SOCS5: variants seen among roughly 807,000 people sequenced by gnomAD.
The protein encoded by SOCS5 is CIS-6.
In SOCS5, 32 loss-of-function variants were observed where a neutral mutation model predicts 42.8. The observed-to-expected ratio is 0.75, with a 90% CI of 0.56 to 1.01. The LOEUF (loss-of-function observed/expected upper bound fraction) is 1.01, where lower values mean the gene tolerates loss of function less well. SOCS5 is among the 50% of genes least tolerant of loss of function. The probability of loss-of-function intolerance (pLI) is 0.00; values close to 1 mark genes in which losing one functional copy is unlikely to be tolerated. For missense variants in SOCS5, 627 were observed against 653.0 expected, an observed-to-expected ratio of 0.96 and a Z score of 0.43; for synonymous variants, 283 against 229.6, an observed-to-expected ratio of 1.23 and a Z score of -2.10.
chr2:46,756,821 C>A (rs1272010950), intron 1 of SOCS5, among the ~76,000 whole-genome samples: 2 of 152,062 alleles, frequency 1.3e-5, no homozygotes, highest in African/African-American at 4.8e-5. Context: ...GAACGGAAAT[C>A]TTAATTTAAG....
intron 1 of SOCS5, among the ~76,000 whole-genome samples, chr2:46,742,666 T>C (rs923454790): frequency 6.6e-6 from 1 of 152,122 alleles, no homozygotes; most frequent in Non-Finnish European, 1.5e-5. Context: ...TTTTTATGTT[T>C]ACTACTTCTT....
Position 46,758,775 on chromosome 2 carries a change from G to T in SOCS5, c.245G>T (p.Cys82Phe). The T allele has an allele frequency of 6.2e-7, 1 of 1,614,170 alleles. No homozygotes were observed. The highest frequency in any genetic ancestry group is 1.1e-5 in the South Asian group (1 of 91,086). ...AATTCTTCAAGGAGAAATCAAAATT[G>T]TGCCACAGAAATCCCTCAAATTGTT... ...SKNSSRRNQN[C>F]ATEIPQIVEI... Residue 82 changes from cysteine (C) to phenylalanine (F), a missense_variant, in exon 2 of 2, where the codon TGT becomes TTT. Cys to Phe is a radical substitution (Grantham distance 205). This residue lies in a region of SOCS5 where 278 missense variants were observed against 246.3 expected (regional missense o/e 1.13). Transcript: ENST00000394861.
At chr2:46,731,129 C>G (rs1673110365) in intron 1 of SOCS5, among the ~76,000 whole-genome samples, 2 of 152,180 alleles carry the variant, frequency 1.3e-5, no homozygotes, top group African/African-American at 4.8e-5. Context: ...CTGCTGTAGA[C>G]TGAATGTTCG....
intron 1 of SOCS5, among the ~76,000 whole-genome samples, chr2:46,745,101 C>G (rs1673469466): frequency 6.6e-6 from 1 of 151,964 alleles, no homozygotes; most frequent in African/African-American, 2.4e-5. Context: ...AATAGTAAGT[C>G]TTAATTCATT....
intron 1 of SOCS5, among the ~76,000 whole-genome samples, chr2:46,739,578 T>C (rs945638549): frequency 1.3e-5 from 2 of 152,162 alleles, no homozygotes; most frequent in Non-Finnish European, 2.9e-5. Flanking sequence ...GATTAAGAAA[T>C]AGAATATTGC....
At chr2:46,700,680 A>G (rs564896296) in intron 1 of SOCS5, among the ~76,000 whole-genome samples, 1 of 152,290 alleles carries the variant, frequency 6.6e-6, no homozygotes, top group South Asian at 2.1e-4. Context: ...TGGTAATCTT[A>G]ATGTCAGTTG....
Position 46,760,725 on chromosome 2 carries a change from C to T in SOCS5, c.*584C>T, listed in dbSNP as rs1673848857. The T allele has an allele frequency of 6.0e-6, 1 of 167,174 alleles. No individual in the cohort carries two copies. The highest frequency in any genetic ancestry group is 1.5e-5 in the Non-Finnish European group (1 of 68,144). The allele number at this position is 167,174 out of a possible 1,614,324, so 10.4% of individuals were successfully genotyped here. On this transcript the variant is annotated 3_prime_UTR_variant, in exon 2 of 2. Coordinates refer to ENST00000394861, the MANE Select transcript of SOCS5 (RefSeq NM_144949.3). ...CGCCTTTTCTCTTCTGCAAAAGGTA[C>T]TGTTAAGTAAACCAGATTTTCTAAA...
At chr2:46,705,523 C>T (rs899002273) in intron 1 of SOCS5, among the ~76,000 whole-genome samples, 1 of 151,820 alleles carries the variant, frequency 6.6e-6, no homozygotes, top group East Asian at 1.9e-4. Context: ...TTGTTTTTTC[C>T]TAGATTACCA....
chr2:46,752,159 T>G (rs1673635805), intron 1 of SOCS5, among the ~76,000 whole-genome samples: 1 of 150,968 alleles, frequency 6.6e-6, no homozygotes, highest in African/African-American at 2.4e-5. Flanking sequence ...TTTAGTTCAG[T>G]GTTTTGTTCT....
chr2:46,756,983 C>G (rs1249673290), intron 1 of SOCS5, among the ~76,000 whole-genome samples: 2 of 152,162 alleles, frequency 1.3e-5, no homozygotes, highest in Non-Finnish European at 2.9e-5. Flanking sequence ...ACATTTTATT[C>G]TAATATATAC....
intron 1 of SOCS5, among the ~76,000 whole-genome samples, chr2:46,739,449 C>T (rs970989234): frequency 2.0e-5 from 3 of 152,260 alleles, no homozygotes; most frequent in South Asian, 2.1e-4. Flanking sequence ...GTCTGTCTTG[C>T]GTATGCTGCT....
rs755442330 is a variant in SOCS5 at position 46,759,233 on chromosome 2, C to T, written c.703C>T (p.Gln235Ter). Residue 235 changes from glutamine (Q) to a stop codon, truncating the protein, a stop_gained, in exon 2 of 2, where the codon CAG (glutamine) becomes TAG (stop). Coordinates refer to ENST00000394861, the MANE Select transcript of SOCS5 (RefSeq NM_144949.3). LOFTEE classifies it high-confidence loss of function. The part of the protein sequence containing the change: ...DLAQKWHLIK[Q>*]HTAPVSPHST... ...AGCCCAAAAATGGCATTTGATTAAA[C>T]AGCATACAGCTCCTGTGAGCCCACA... 2.5e-6 allele frequency: 4 copies of T among 1,613,810 alleles called. No individual in the cohort carries two copies. The highest frequency in any genetic ancestry group is 3.4e-6 in the Non-Finnish European group (4 of 1,179,834).
intron 1 of SOCS5, among the ~76,000 whole-genome samples, chr2:46,709,642 C>G (rs1672570674): frequency 6.6e-6 from 1 of 152,152 alleles, no homozygotes; most frequent in Non-Finnish European, 1.5e-5. Flanking sequence ...ACAAGATTTC[C>G]TATCTAAAAT....
intron 1 of SOCS5, among the ~76,000 whole-genome samples, chr2:46,700,373 C>T (rs1672313290): frequency 6.6e-6 from 1 of 152,182 alleles, no homozygotes. Flanking sequence ...ATTATCATAA[C>T]TACACCTTGA....
intron 1 of SOCS5, among the ~76,000 whole-genome samples, chr2:46,718,380 A>T (rs1020042877): frequency 1.3e-5 from 2 of 152,258 alleles, no homozygotes; most frequent in East Asian, 3.9e-4. Context: ...TACTTTTTAG[A>T]CTATGGCTTT....
chr2:46,700,503 C>G (rs1672316253), intron 1 of SOCS5, among the ~76,000 whole-genome samples: 1 of 152,172 alleles, frequency 6.6e-6, no homozygotes, highest in Admixed American at 6.5e-5. Flanking sequence ...ATAAGTAATT[C>G]ACATTCTTTC....
intron 1 of SOCS5, among the ~76,000 whole-genome samples, chr2:46,704,542 C>G (rs577018859): frequency 3.9e-5 from 6 of 152,036 alleles, no homozygotes; most frequent in Non-Finnish European, 7.4e-5. Context: ...AGTGTAAATC[C>G]TGAATACCAC....
At chr2:46,732,538 G>T (rs1481146295) in intron 1 of SOCS5, among the ~76,000 whole-genome samples, 1 of 152,246 alleles carries the variant, frequency 6.6e-6, no homozygotes, top group African/African-American at 2.4e-5. Flanking sequence ...TTAGGCAGGA[G>T]CCAAATTCAT....
At chr2:46,748,562 CTTTG>C (rs1305068725) in intron 1 of SOCS5, among the ~76,000 whole-genome samples, 1 of 152,040 alleles carries the variant, frequency 6.6e-6, no homozygotes, top group East Asian at 1.9e-4. Flanking sequence ...CAGTTTCTTT[CTTTG>C]TTTCTTTCTT....
Sources: gnomAD v4.1 joint callset for allele counts (sites outside exome capture counted in the v4.1 genomes callset) on GRCh38, gnomAD v4.1.1 for gene constraint, gnomAD v4.1.1 regional missense constraint, MANE v1.5 for transcripts, NCBI Gene and HGNC (gene_info 2026-07-23, HGNC 2026-07-21) for gene names.